RCBTB1: variants seen among roughly 807,000 people sequenced by gnomAD.
RCBTB1 encodes RCC1 and BTB domain-containing protein 1.
In RCBTB1, 46 loss-of-function variants were observed where a neutral mutation model predicts 62.4. The ratio of observed to expected loss-of-function variants is 0.74; its 90% CI spans 0.58 to 0.94. The LOEUF (loss-of-function observed/expected upper bound fraction) is 0.94. Ranked by LOEUF, RCBTB1 falls within the 40% of genes least tolerant of loss-of-function variation. The pLI is 0.00. For synonymous variants in RCBTB1, 222 were observed against 245.8 expected (o/e 0.90, Z 0.91); for missense variants, 565 against 654.9 (o/e 0.86, Z 1.50).
intron 4 of RCBTB1, among the ~76,000 whole-genome samples, chr13:49,564,458 C>T (rs1461041624): frequency 4.6e-5 from 7 of 151,338 alleles, no homozygotes; most frequent in Non-Finnish European, 8.8e-5. Context: ...TGGTGGCACG[C>T]GTCTGTGGTC....
chr13:49,576,002 C>T (rs995069966), intron 2 of RCBTB1, among the ~76,000 whole-genome samples: 4 of 151,812 alleles, frequency 2.6e-5, no homozygotes, highest in East Asian at 3.9e-4. Context: ...CTGGCTAACA[C>T]GGTGAAACCT....
intron 2 of RCBTB1, among the ~76,000 whole-genome samples, chr13:49,572,317 ACT>A (rs1450563516): frequency 2.7e-5 from 4 of 148,616 alleles, no homozygotes; most frequent in African/African-American, 1.0e-4. Flanking sequence ...ACAGAGCGAG[ACT>A]CTGTCTCAGA....
At chr13:49,563,355 C>A (rs1395164796) in intron 4 of RCBTB1, among the ~76,000 whole-genome samples, 83 of 52,200 alleles carry the variant, frequency 1.6e-3, no homozygotes, top group South Asian at 4.1e-3. Context: ...GACCCTGCCT[C>A]AAAAAAAAAA....
At chr13:49,543,004 T>C (rs534922821) in intron 10 of RCBTB1, among the ~76,000 whole-genome samples, 1 of 152,276 alleles carries the variant, frequency 6.6e-6, no homozygotes, top group African/African-American at 2.4e-5. Context: ...AGCCTGTAAT[T>C]CCAGCACTTT....
chr13:49,547,037 A>C lies in RCBTB1; in HGVS notation c.1046-2174T>G, dbSNP rs889155217. Reference sequence around the variant, plus strand: ...TAAGAACTGGGGGAAGCCTTTTATAACAAGTCCAGGTTAAGTAGTATATAC... The same window carrying C: ...TAAGAACTGGGGGAAGCCTTTTATACCAAGTCCAGGTTAAGTAGTATATAC... On this transcript the variant is annotated intron_variant, in intron 9 of 12. Transcript: ENST00000378302. 20 of 1,205,128 alleles carry C rather than the reference A, an allele frequency of 1.7e-5. No homozygotes were observed. The Admixed American group carries it at 6.6e-4, about 40-fold the overall frequency. The allele number at this position is 1,205,128 out of a possible 1,614,324, so 74.7% of individuals were successfully genotyped here.
chr13:49,562,544 A>C (rs1218258298), intron 4 of RCBTB1, among the ~76,000 whole-genome samples: 2 of 149,960 alleles, frequency 1.3e-5, no homozygotes, highest in African/African-American at 2.4e-5. Flanking sequence ...AATTTGGAAG[A>C]TCACTCCAGA....
chr13:49,562,902 G>A (rs1281475347), intron 4 of RCBTB1, among the ~76,000 whole-genome samples: 2 of 149,874 alleles, frequency 1.3e-5, no homozygotes, highest in Admixed American at 1.4e-4. Flanking sequence ...TGGGATTACA[G>A]GCATGAGCCA....
At chr13:49,561,280 G>A (rs1244924165) in intron 4 of RCBTB1, among the ~76,000 whole-genome samples, 1 of 152,158 alleles carries the variant, frequency 6.6e-6, no homozygotes, top group Non-Finnish European at 1.5e-5. Flanking sequence ...AGGCAACCAG[G>A]GGAAACAGAC....
rs778856666 is a variant in RCBTB1, at chr13:49,559,937, G to T, written c.425C>A (p.Ala142Asp). The change falls in exon 5 of 13, where the codon GCT (alanine) becomes GAT (aspartate). Residue 142 changes from alanine (A) to aspartate (D), a missense_variant. By Grantham distance (126) the Ala-to-Asp change is moderately radical. Coordinates refer to ENST00000378302, the MANE Select transcript of RCBTB1 (RefSeq NM_018191.4). ...EVACGSHHSM[A>D]LAADGEVFAW... ...ACTTACCTCTCCATCAGCTGCCAGAGCCATTGAATGATGTGAGCCACAAGC... is the reference window on the plus strand; with the variant it reads ...ACTTACCTCTCCATCAGCTGCCAGATCCATTGAATGATGTGAGCCACAAGC... The T allele has an allele frequency of 1.9e-6, 3 of 1,613,802 alleles. No homozygotes were observed. In the South Asian group the frequency reaches 3.3e-5, roughly 18 times the overall value.
At chr13:49,562,866 C>T (rs1328843431) in intron 4 of RCBTB1, among the ~76,000 whole-genome samples, 1 of 147,166 alleles carries the variant, frequency 6.8e-6, no homozygotes, top group Admixed American at 6.9e-5. Flanking sequence ...CTGGAGCAAA[C>T]GTCCTGCCTT....
chr13:49,543,242 T>C (rs926186954), intron 10 of RCBTB1, among the ~76,000 whole-genome samples: 1 of 151,844 alleles, frequency 6.6e-6, no homozygotes, highest in East Asian at 1.9e-4. Context: ...CTAGCCTGGG[T>C]GACAGAATGA....
chr13:49,553,938 G>GA (rs1165832618), intron 6 of RCBTB1, among the ~76,000 whole-genome samples: 1 of 152,136 alleles, frequency 6.6e-6, no homozygotes, highest in African/African-American at 2.4e-5. Flanking sequence ...GAGTAACATA[G>GA]AAAATCACCA....
intron 2 of RCBTB1, among the ~76,000 whole-genome samples, chr13:49,575,106 T>C (rs1963686019): frequency 6.6e-6 from 1 of 152,134 alleles, no homozygotes; most frequent in Non-Finnish European, 1.5e-5. Context: ...GTACAGAGTT[T>C]CACTTTGGGG....
At chr13:49,550,710 C>T (rs745619192) in intron 8 of RCBTB1, among the ~76,000 whole-genome samples, 5 of 152,160 alleles carry the variant, frequency 3.3e-5, no homozygotes, top group Non-Finnish European at 5.9e-5. Flanking sequence ...GTAATTATAC[C>T]AAGATGCATT....
At chr13:49,539,777 G>C (rs571575895) in intron 12 of RCBTB1, among the ~76,000 whole-genome samples, 88 of 152,096 alleles carry the variant, frequency 5.8e-4, no homozygotes, top group African/African-American at 2.1e-3. Flanking sequence ...ATCTGTTGTC[G>C]GGCTGCAGAC....
intron 6 of RCBTB1, among the ~76,000 whole-genome samples, chr13:49,554,200 A>C (rs561435790): frequency 6.6e-6 from 1 of 152,316 alleles, no homozygotes; most frequent in East Asian, 1.9e-4. Flanking sequence ...ATACTCACCC[A>C]TATATAATTG....
Position 49,538,388 on chromosome 13 carries a change from C to T in RCBTB1, c.1455+2488G>A, listed in dbSNP as rs1013760927. 6.6e-5 allele frequency among the ~76,000 whole-genome samples: 10 copies of T among 152,138 alleles called. No individual in the cohort carries two copies. In the East Asian group the frequency reaches 1.5e-3, roughly 23 times the overall value. Reference sequence around the variant, plus strand: ...AATGTAAAAGCACATTAGTCAATTACGTAACTTGTATTGTAACCTAAGAAA... The same window carrying T: ...AATGTAAAAGCACATTAGTCAATTATGTAACTTGTATTGTAACCTAAGAAA... On this transcript the variant is annotated intron_variant, in intron 12 of 12. Transcript: ENST00000378302.
At chr13:49,540,257 A>C (rs1373750668) in intron 12 of RCBTB1, among the ~76,000 whole-genome samples, 1 of 152,208 alleles carries the variant, frequency 6.6e-6, no homozygotes, top group East Asian at 1.9e-4. Flanking sequence ...GCTCACGAGG[A>C]GCTTACAGTC....
chr13:49,572,416 C>A (rs879749291), intron 2 of RCBTB1, among the ~76,000 whole-genome samples: 15 of 151,894 alleles, frequency 9.9e-5, no homozygotes, highest in Non-Finnish European at 1.9e-4. Context: ...TTAAATTTGC[C>A]TAAACATGAA....
Sources: gnomAD v4.1 joint callset for allele counts (sites outside exome capture counted in the v4.1 genomes callset) on GRCh38, gnomAD v4.1.1 for gene constraint, MANE v1.5 for transcripts, NCBI Gene and HGNC (gene_info 2026-07-23, HGNC 2026-07-21) for gene names.